The following CADM2 variants were observed in gnomAD, a reference collection of about 807,000 sequenced individuals.
CADM2 encodes the protein immunoglobulin superfamily member 4D.
CADM2 carries 12 observed loss-of-function variants against 49.8 expected under a neutral mutation model. That is an observed-to-expected ratio of 0.24 (90% CI 0.15 to 0.39). The LOEUF (loss-of-function observed/expected upper bound fraction) is 0.39. Among genes scored for constraint, CADM2 ranks in the 10% least tolerant of loss-of-function variants. CADM2 has a pLI of 1.00. For synonymous variants in CADM2, 214 were observed against 175.4 expected (o/e 1.22, Z -1.74); for missense variants, 378 against 492.3 (o/e 0.77, Z 2.20).
chr3:85,461,218 A>G (rs1427580537), intron 1 of CADM2, among the ~76,000 whole-genome samples: 2 of 152,050 alleles, frequency 1.3e-5, no homozygotes, highest in Non-Finnish European at 2.9e-5. Context: ...TTTAACACAT[A>G]AAAAGGCTTG....
intron 1 of CADM2, among the ~76,000 whole-genome samples, chr3:85,651,787 G>C (rs1389621883): frequency 6.6e-6 from 1 of 150,600 alleles, no homozygotes; most frequent in Non-Finnish European, 1.5e-5. Flanking sequence ...ACTTGATTAT[G>C]TTAATCTATC....
intron 8 of CADM2, among the ~76,000 whole-genome samples, chr3:86,062,262 C>T (rs1738748913): frequency 6.6e-6 from 1 of 151,912 alleles, no homozygotes; most frequent in Non-Finnish European, 1.5e-5. Context: ...GAACTGATTC[C>T]AAAGGATATT....
intron 1 of CADM2, among the ~76,000 whole-genome samples, chr3:85,292,044 A>T (rs1045079920): frequency 2.6e-5 from 4 of 151,670 alleles, no homozygotes; most frequent in Non-Finnish European, 5.9e-5. Context: ...CAGGAAACCC[A>T]TCTCATGTGC....
At chr3:85,473,021 A>T (rs1559857958) in intron 1 of CADM2, among the ~76,000 whole-genome samples, 1 of 152,112 alleles carries the variant, frequency 6.6e-6, no homozygotes, top group Non-Finnish European at 1.5e-5. Context: ...ATATATATGT[A>T]ATGAATATGA....
intron 1 of CADM2, among the ~76,000 whole-genome samples, chr3:85,088,163 T>C (rs1380273427): frequency 6.6e-6 from 1 of 152,164 alleles, no homozygotes; most frequent in Non-Finnish European, 1.5e-5. Flanking sequence ...ATATACTTTT[T>C]TGATTTGATT....
intron 1 of CADM2, among the ~76,000 whole-genome samples, chr3:85,496,066 T>G (rs2039878282): frequency 6.6e-6 from 1 of 152,188 alleles, no homozygotes; most frequent in African/African-American, 2.4e-5. Flanking sequence ...CATTTTATAC[T>G]GGGTTCAGGG....
At chr3:85,082,056 G>A (rs191489643) in intron 1 of CADM2, among the ~76,000 whole-genome samples, 2 of 152,206 alleles carry the variant, frequency 1.3e-5, no homozygotes, top group East Asian at 3.9e-4. Flanking sequence ...ATTTAATAGA[G>A]GAGGAAATGA....
chr3:85,780,081 A>G (rs1559651852), intron 2 of CADM2, among the ~76,000 whole-genome samples: 1 of 152,202 alleles, frequency 6.6e-6, no homozygotes, highest in African/African-American at 2.4e-5. Context: ...AAAGACCACA[A>G]TTATTTAAGT....
chr3:85,554,400 G>A (rs1451519204), intron 1 of CADM2, among the ~76,000 whole-genome samples: 1 of 152,072 alleles, frequency 6.6e-6, no homozygotes, highest in Non-Finnish European at 1.5e-5. Context: ...GACCAGTACC[G>A]GTTGGCGGCA....
intron 1 of CADM2, among the ~76,000 whole-genome samples, chr3:85,566,387 T>C (rs1295680533): frequency 6.6e-6 from 1 of 152,144 alleles, no homozygotes; most frequent in African/African-American, 2.4e-5. Context: ...AAATTCTTTT[T>C]TTAAGAAGTG....
intron 1 of CADM2, among the ~76,000 whole-genome samples, chr3:85,515,777 C>G (rs572299749): frequency 6.6e-6 from 1 of 151,632 alleles, no homozygotes; most frequent in South Asian, 2.1e-4. Flanking sequence ...GTGCTTGGCC[C>G]TAAGTGTTTC....
chr3:85,626,844 A>G (rs1286572372), intron 1 of CADM2, among the ~76,000 whole-genome samples: 1 of 152,026 alleles, frequency 6.6e-6, no homozygotes, highest in Non-Finnish European at 1.5e-5. Flanking sequence ...CTGGCATAGT[A>G]AATCAGTGCA....
intron 1 of CADM2, among the ~76,000 whole-genome samples, chr3:85,257,564 T>G (rs1455916511): frequency 1.3e-5 from 2 of 152,134 alleles, no homozygotes; most frequent in Admixed American, 1.3e-4. Flanking sequence ...ATGAGAAGTA[T>G]TATTTTCAGT....
chr3:85,793,946 G>A (rs576071864), intron 2 of CADM2, among the ~76,000 whole-genome samples: 30 of 152,170 alleles, frequency 2.0e-4, no homozygotes, highest in African/African-American at 7.0e-4. Flanking sequence ...AAAAGGCTTA[G>A]GTAGGGCTTA....
rs1046834612 is a variant in CADM2, at chr3:85,169,407, C to A, written c.61+209739C>A. Among the ~76,000 whole-genome samples the A allele has an allele frequency of 2.0e-5, 3 of 152,236 alleles. No homozygotes were observed. In the East Asian group the frequency reaches 5.8e-4, roughly 29 times the overall value. ...TTAAGAGTCCTCTTCTCAGTTTAAT[C>A]CTTCTAGTAAATTAAATGTATTATC... On this transcript the variant is annotated intron_variant, in intron 1 of 9. Transcript: ENST00000383699.
intron 5 of CADM2, among the ~76,000 whole-genome samples, chr3:85,889,078 T>A (rs1714066922): frequency 6.6e-6 from 1 of 152,200 alleles, no homozygotes; most frequent in East Asian, 1.9e-4. Context: ...GGTGCATTAG[T>A]GAAGATGCAA....
intron 6 of CADM2, among the ~76,000 whole-genome samples, chr3:85,935,243 A>C (rs1453680676): frequency 6.6e-6 from 1 of 152,140 alleles, no homozygotes; most frequent in Non-Finnish European, 1.5e-5. Flanking sequence ...TCTGTACTTC[A>C]GAGCAAGCGG....
chr3:85,690,172 A>G (rs2107678593), intron 1 of CADM2, among the ~76,000 whole-genome samples: 1 of 152,166 alleles, frequency 6.6e-6, no homozygotes, highest in East Asian at 1.9e-4. Context: ...CAGCAGAATG[A>G]CTCTATCTCT....
chr3:85,416,421 G>T (rs947091974), intron 1 of CADM2, among the ~76,000 whole-genome samples: 1 of 152,030 alleles, frequency 6.6e-6, no homozygotes, highest in African/African-American at 2.4e-5. Context: ...TTGAAATAAA[G>T]AATAATATGT....
Sources: gnomAD v4.1 joint callset for allele counts (sites outside exome capture counted in the v4.1 genomes callset) on GRCh38, gnomAD v4.1.1 for gene constraint, MANE v1.5 for transcripts, NCBI Gene and HGNC (gene_info 2026-07-23, HGNC 2026-07-21) for gene names.